The following DNAH14 variants were observed in gnomAD, a reference collection of about 807,000 sequenced individuals.
The protein encoded by DNAH14 is axonemal beta dynein heavy chain 14.
A neutral mutation model predicts 520.9 loss-of-function variants in DNAH14; 478 were observed. That is an observed-to-expected ratio of 0.92 (90% confidence interval 0.85 to 0.99). DNAH14 has a LOEUF of 0.99. Ranked by LOEUF, DNAH14 falls within the 50% of genes least tolerant of loss-of-function variation. The probability of loss-of-function intolerance (pLI) is 0.00; values close to 1 mark genes in which losing one functional copy is unlikely to be tolerated. For missense variants in DNAH14, 4,831 were observed against 5,234.5 expected (o/e 0.92, Z 2.38); for synonymous variants, 1,581 against 1,757.2 (o/e 0.90, Z 2.51).
rs2075064473 is a variant in DNAH14 at position 225,097,247 on chromosome 1, A to G, written c.3695+8A>G. ...TTCTTCAGAAATACGAAGGTAAAAT[A>G]CCTAAAATATACCATATACAGGTTC... is the stretch of plus-strand genomic sequence containing the variant. On this transcript the variant is annotated splice_region_variant and intron_variant, in intron 22 of 85. Coordinates refer to ENST00000682510, the MANE Select transcript of DNAH14 (RefSeq NM_001367479.1). 1 of 1,548,158 alleles carries G rather than the reference A, an allele frequency of 6.5e-7. No homozygotes were observed. Among genetic ancestry groups the G allele is most frequent in the Non-Finnish European group, 8.7e-7 (1 of 1,145,354 alleles).
At chr1:225,377,534 C>A in intron 79 of DNAH14, 98 bp downstream of exon 79, 1 of 1,229,342 alleles carries the variant, frequency 8.1e-7, no homozygotes, top group Non-Finnish European at 1.1e-6. Flanking sequence ...CTGAGGTGGA[C>A]AGATTGCTTG....
At chr1:224,988,853 C>T (rs554402255) in intron 8 of DNAH14, among the ~76,000 whole-genome samples, 1 of 152,280 alleles carries the variant, frequency 6.6e-6, no homozygotes, top group Admixed American at 6.5e-5. Flanking sequence ...CACTGTGTTT[C>T]ACAGGCTCAT....
chr1:225,380,278 T>G lies in DNAH14; in HGVS notation c.12836T>G (p.Met4279Arg), dbSNP rs780198570. The change falls in exon 80 of 86, where the codon ATG becomes AGG. Residue 4279 changes from methionine (M) to arginine (R), a missense_variant. Physicochemically the swap from Met to Arg is moderately conservative, Grantham distance 91. Transcript: ENST00000682510. The part of the protein sequence containing the change: ...AVGTPSTLKS[M>R]MSSSIWESLS... ...GGAACTCCAAGCACATTGAAGAGCATGATGTCAAGCTCCATTTGGGAGTCT... is the reference window on the plus strand; with the variant it reads ...GGAACTCCAAGCACATTGAAGAGCAGGATGTCAAGCTCCATTTGGGAGTCT... The G allele has an allele frequency of 2.4e-5, 37 of 1,551,624 alleles. No individual in the cohort carries two copies. Among genetic ancestry groups the G allele is most frequent in the Non-Finnish European group, 3.1e-5 (36 of 1,146,976 alleles).
At chr1:225,306,246 T>C (rs1373139257) in intron 58 of DNAH14, among the ~76,000 whole-genome samples, 1 of 152,204 alleles carries the variant, frequency 6.6e-6, no homozygotes, top group Non-Finnish European at 1.5e-5. Flanking sequence ...TGGGGCATGA[T>C]AGATCCAATA....
At chr1:225,198,204 A>G (rs2086389673) in intron 38 of DNAH14, among the ~76,000 whole-genome samples, 1 of 148,878 alleles carries the variant, frequency 6.7e-6, no homozygotes, top group Non-Finnish European at 1.5e-5. Flanking sequence ...ACATTGAGAT[A>G]TGTCCCTTGT....
At chr1:225,065,724 A>G (rs911152968) in intron 17 of DNAH14, among the ~76,000 whole-genome samples, 1 of 152,062 alleles carries the variant, frequency 6.6e-6, no homozygotes, top group African/African-American at 2.4e-5. Context: ...GCTGAATAGT[A>G]TTTTATTGTG....
rs115820271 is a variant in DNAH14 at position 224,937,782 on chromosome 1, C to A, written c.-34+7947C>A. Among the ~76,000 whole-genome samples, 720 of 152,132 alleles carry A rather than the reference C, an allele frequency of 4.7e-3. 4 individuals carry two copies. Among genetic ancestry groups the A allele is most frequent in the African/African-American group, 0.016 (676 of 41,538 alleles). Reference sequence around the variant, plus strand: ...AAAGAACAAAGCTAGAGACATCACACTACCAGACTTTAAAATGTACTCCCA... The same window carrying A: ...AAAGAACAAAGCTAGAGACATCACAATACCAGACTTTAAAATGTACTCCCA... On this transcript the variant is annotated intron_variant, in intron 1 of 85. Transcript: ENST00000682510.
At chr1:225,367,775 C>A in intron 76 of DNAH14, 30 bp from the exon 77 acceptor site, 1 of 1,494,162 alleles carries the variant, frequency 6.7e-7, no homozygotes. Flanking sequence ...TCTGTCCTCA[C>A]ATGCCATTTT....
intron 45 of DNAH14, among the ~76,000 whole-genome samples, chr1:225,258,904 T>G (rs1460822103): frequency 6.6e-6 from 1 of 152,178 alleles, no homozygotes; most frequent in African/African-American, 2.4e-5. Context: ...TAATCTATTC[T>G]TTTGTAAGAG....
chr1:225,356,045 G>A (rs1315246881), intron 73 of DNAH14, among the ~76,000 whole-genome samples: 1 of 152,106 alleles, frequency 6.6e-6, no homozygotes, highest in Non-Finnish European at 1.5e-5. Context: ...CCATTTTAAG[G>A]CTGAGTAATA....
At chr1:225,386,998 C>A (rs973784444) in intron 81 of DNAH14, among the ~76,000 whole-genome samples, 5 of 152,114 alleles carry the variant, frequency 3.3e-5, no homozygotes, top group African/African-American at 1.2e-4. Flanking sequence ...AAATGTCCAT[C>A]AATGATAGAC....
At chr1:225,388,809 C>A (rs1250315363) in intron 82 of DNAH14, among the ~76,000 whole-genome samples, 3 of 152,040 alleles carry the variant, frequency 2.0e-5, no homozygotes, top group African/African-American at 7.2e-5. Flanking sequence ...AAGAGTCTCC[C>A]TCTGTCACCC....
chr1:225,166,738 G>A (rs781084794), intron 35 of DNAH14, among the ~76,000 whole-genome samples: 3 of 152,122 alleles, frequency 2.0e-5, no homozygotes, highest in South Asian at 2.1e-4. Flanking sequence ...TGTCATTATC[G>A]CCAAGTAACT....
intron 48 of DNAH14, among the ~76,000 whole-genome samples, chr1:225,265,923 A>AATAT (rs35658177): frequency 4.7e-5 from 7 of 150,322 alleles, no homozygotes; most frequent in Non-Finnish European, 1.5e-5. Context: ...TGTCTTAATA[A>AATAT]ATATATATAT....
At chr1:225,252,444 T>G in intron 44 of DNAH14, 27 bp downstream of exon 44, 2 of 1,272,522 alleles carry the variant, frequency 1.6e-6, no homozygotes, top group Non-Finnish European at 2.2e-6. Context: ...GAATCATACT[T>G]GTAACGTTAG....
intron 17 of DNAH14, among the ~76,000 whole-genome samples, chr1:225,068,410 G>A (rs1342056812): frequency 1.3e-5 from 2 of 150,350 alleles, no homozygotes; most frequent in South Asian, 2.1e-4. Flanking sequence ...CTCTTTGATT[G>A]GATTGTCTTG....
At chr1:225,076,968 G>C (rs370934720) in intron 17 of DNAH14, among the ~76,000 whole-genome samples, 3 of 151,808 alleles carry the variant, frequency 2.0e-5, no homozygotes, top group African/African-American at 7.3e-5. Flanking sequence ...AACAGGCCCC[G>C]GTGTGTGATG....
intron 17 of DNAH14, among the ~76,000 whole-genome samples, chr1:225,068,735 T>G (rs1318651160): frequency 1.3e-5 from 2 of 152,320 alleles, no homozygotes; most frequent in East Asian, 1.9e-4. Context: ...CATTTATGAT[T>G]TGGCTATCAG....
intron 15 of DNAH14, among the ~76,000 whole-genome samples, chr1:225,049,133 C>T (rs775542679): frequency 7.4e-6 from 1 of 136,034 alleles, no homozygotes; most frequent in Non-Finnish European, 1.5e-5. Flanking sequence ...TATCTCGGCT[C>T]ACTGCAACCT....
Sources: allele counts gnomAD v4.1 joint callset (sites outside exome capture counted in the v4.1 genomes callset), GRCh38; gene constraint gnomAD v4.1.1; transcripts MANE v1.5; gene names NCBI Gene and HGNC (gene_info 2026-07-23, HGNC 2026-07-21).